Variants in ANKRD22 observed in about 807,000 individuals in gnomAD.
ANKRD22 encodes ankyrin repeat domain 22.
A neutral mutation model predicts 25.7 loss-of-function variants in ANKRD22; 24 were observed. The observed-to-expected ratio is 0.93, with a 90% CI of 0.68 to 1.31. The LOEUF (loss-of-function observed/expected upper bound fraction) is 1.31. Among genes scored for constraint, ANKRD22 ranks in the 50% most tolerant of loss-of-function variants. The probability of loss-of-function intolerance (pLI) is 0.00; values close to 1 mark genes in which losing one functional copy is unlikely to be tolerated. For synonymous variants in ANKRD22, 84 were observed against 84.3 expected (o/e 1.00, Z 0.02); for missense variants, 214 against 227.1 (o/e 0.94, Z 0.37).
At chr10:88,838,321 A>G (rs1843973526) in intron 1 of ANKRD22, among the ~76,000 whole-genome samples, 1 of 152,198 alleles carries the variant, frequency 6.6e-6, no homozygotes, top group Admixed American at 6.6e-5. Context: ...CATGTCTGTC[A>G]GGCAAGAGAA....
intron 1 of ANKRD22, among the ~76,000 whole-genome samples, chr10:88,846,015 T>C (rs1392273129): frequency 6.6e-6 from 1 of 152,210 alleles, no homozygotes; most frequent in African/African-American, 2.4e-5. Context: ...ATTTCAGCTA[T>C]TTCACCATTG....
At position 88,848,820 on chromosome 10, in the gene ANKRD22, C is replaced by T. The variant is rs561028386; in HGVS notation, c.21+2767G>A. The stretch of plus-strand genomic sequence containing the variant: ...TTCCTGTATTCCCTGACTTCTCCTC[C>T]TCAACTGTACCAGCTTTTCCAATAA... On this transcript the variant is annotated intron_variant, in intron 1 of 5. Coordinates refer to ENST00000371930, the MANE Select transcript of ANKRD22 (RefSeq NM_144590.3). 3.3e-5 allele frequency among the ~76,000 whole-genome samples: 5 copies of T among 152,286 alleles called. 1 individual carries two copies. Among genetic ancestry groups the T allele is most frequent in the South Asian group, 4.1e-4 (2 of 4,830 alleles).
intron 1 of ANKRD22, among the ~76,000 whole-genome samples, chr10:88,847,011 C>T (rs1844055187): frequency 6.6e-6 from 1 of 152,078 alleles, no homozygotes; most frequent in African/African-American, 2.4e-5. Context: ...CGCATATTCG[C>T]AGTTCTTTTA....
intron 2 of ANKRD22, among the ~76,000 whole-genome samples, chr10:88,828,951 T>C (rs1343491607): frequency 1.3e-5 from 2 of 152,122 alleles, no homozygotes; most frequent in East Asian, 1.9e-4. Flanking sequence ...CACTTAGTTT[T>C]TGGAAAAAAA....
intron 2 of ANKRD22, among the ~76,000 whole-genome samples, chr10:88,830,814 C>T (rs971562318): frequency 1.3e-5 from 2 of 152,220 alleles, no homozygotes; most frequent in Non-Finnish European, 2.9e-5. Context: ...AACCCACAGA[C>T]ATCTGTCTTC....
intron 1 of ANKRD22, among the ~76,000 whole-genome samples, chr10:88,843,879 C>A (rs564888178): frequency 4.7e-4 from 72 of 152,242 alleles, no homozygotes; most frequent in African/African-American, 1.5e-3. Context: ...ATTAAACCGA[C>A]ATTTAGGTCA....
rs2133067577 is a variant in ANKRD22 at position 88,822,299 on chromosome 10, T to C, written c.*642A>G. ...TGAAATTCCTTCACCAAAGGAATAT[T>C]TACTTGTGAATCTCTAAGCCCACAC... On this transcript the variant is annotated 3_prime_UTR_variant, in exon 6 of 6. Transcript: ENST00000371930. 1 of 152,272 alleles carries C rather than the reference T, an allele frequency of 6.6e-6. No individual in the cohort carries two copies. Among genetic ancestry groups the C allele is most frequent in the South Asian group, 2.1e-4 (1 of 4,820 alleles). 9.4% of individuals were successfully genotyped at this position (152,272 alleles called of 1,614,324 possible). A position where few individuals can be genotyped will look rare whatever the true frequency, so the allele number is the denominator to read the frequency against.
At chr10:88,843,479 A>G (rs900171926) in intron 1 of ANKRD22, among the ~76,000 whole-genome samples, 2 of 152,154 alleles carry the variant, frequency 1.3e-5, no homozygotes, top group African/African-American at 4.8e-5. Flanking sequence ...CTGAAGATTC[A>G]TGTGGTCTGA....
intron 1 of ANKRD22, among the ~76,000 whole-genome samples, chr10:88,847,002 G>A (rs772427749): frequency 1.1e-4 from 17 of 152,014 alleles, no homozygotes; most frequent in Non-Finnish European, 2.1e-4. Flanking sequence ...AAAGAACTAC[G>A]CATATTCGCA....
intron 1 of ANKRD22, among the ~76,000 whole-genome samples, chr10:88,850,731 G>A (rs1844096826): frequency 6.6e-6 from 1 of 152,068 alleles, no homozygotes; most frequent in Admixed American, 6.6e-5. Context: ...CATACCTAGA[G>A]TTATAAACCA....
intron 1 of ANKRD22, among the ~76,000 whole-genome samples, chr10:88,834,547 T>G (rs1345720004): frequency 6.6e-6 from 1 of 152,236 alleles, no homozygotes. Flanking sequence ...TTAGAGCTCT[T>G]TTTCTCTTTT....
Position 88,826,115 on chromosome 10 carries a change from C to G in ANKRD22, c.322G>C (p.Val108Leu). The part of the protein sequence containing the change: ...PVLLIGYFLM[V>L]SKTKQNEALV... ...GCCTCATTCTGCTTTGTCTTTGATACCTATTACAAATGGTAATTATAAGAA... is the reference window on the plus strand; with the variant it reads ...GCCTCATTCTGCTTTGTCTTTGATAGCTATTACAAATGGTAATTATAAGAA... Residue 108 changes from valine to leucine, a missense_variant and splice_region_variant, in exon 4 of 6, where the codon GTA (valine) becomes CTA (leucine). Physicochemically the swap from Val to Leu is conservative, Grantham distance 32. Coordinates refer to ENST00000371930, the MANE Select transcript of ANKRD22 (RefSeq NM_144590.3). 3.1e-6 allele frequency: 5 copies of G among 1,605,044 alleles called. No homozygotes were observed. Among genetic ancestry groups the G allele is most frequent in the Non-Finnish European group, 4.3e-6 (5 of 1,174,846 alleles).
intron 3 of ANKRD22, among the ~76,000 whole-genome samples, chr10:88,828,037 T>G (rs372143474): frequency 2.6e-5 from 4 of 152,368 alleles, no homozygotes; most frequent in African/African-American, 9.6e-5. Flanking sequence ...AATTGCTGTC[T>G]GCCAAGATTC....
intron 1 of ANKRD22, among the ~76,000 whole-genome samples, chr10:88,847,976 T>C (rs1844067319): frequency 6.6e-6 from 1 of 151,792 alleles, no homozygotes; most frequent in African/African-American, 2.4e-5. Context: ...AATTCTTTTT[T>C]CTCTTGTTAA....
In ANKRD22 at chr10:88,820,335, T is replaced by C; in HGVS notation, c.*2606A>G. The C allele has an allele frequency of 6.4e-7, 1 of 1,552,276 alleles. No homozygotes were observed. The highest frequency in any genetic ancestry group is 1.2e-5 in the South Asian group (1 of 84,058). On this transcript the variant is annotated 3_prime_UTR_variant, in exon 6 of 6. Coordinates refer to ENST00000371930, the MANE Select transcript of ANKRD22 (RefSeq NM_144590.3). Reference sequence around the variant, plus strand: ...AATCCAGAAGACGTGAAAATGCTGCTCTCTGAGGTGACCAACCTCATCTAC... The same window carrying C: ...AATCCAGAAGACGTGAAAATGCTGCCCTCTGAGGTGACCAACCTCATCTAC...
intron 4 of ANKRD22, among the ~76,000 whole-genome samples, chr10:88,823,786 C>A (rs1247229491): frequency 6.9e-6 from 1 of 145,832 alleles, no homozygotes; most frequent in East Asian, 2.1e-4. Context: ...CGAGATTGCG[C>A]CACTGCGCTC....
At chr10:88,826,735 A>G (rs906647869) in intron 3 of ANKRD22, among the ~76,000 whole-genome samples, 1 of 152,132 alleles carries the variant, frequency 6.6e-6, no homozygotes, top group Admixed American at 6.5e-5. Flanking sequence ...CCACCTGACC[A>G]GGTGAAATCC....
Position 88,823,360 on chromosome 10 carries a change from GTAATGCGGTACAGCCATAC to G in ANKRD22, c.400-1_417del. ...TGGTTTTTCATTTCACAGGCATAAT[GTAATGCGGTACAGCCATAC>G]TGAAACACAAAGGGCCAAAACTTCA... On this transcript the variant is annotated splice_acceptor_variant and coding_sequence_variant, in exon 5 of 6. Coordinates refer to ENST00000371930, the MANE Select transcript of ANKRD22 (RefSeq NM_144590.3). LOFTEE classifies it high-confidence loss of function. 2.5e-6 allele frequency: 4 copies of G among 1,614,020 alleles called. No individual in the cohort carries two copies. Among genetic ancestry groups the G allele is most frequent in the Non-Finnish European group, 3.4e-6 (4 of 1,179,904 alleles).
At chr10:88,824,896 G>A (rs1477685171) in intron 4 of ANKRD22, among the ~76,000 whole-genome samples, 2 of 152,014 alleles carry the variant, frequency 1.3e-5, no homozygotes, top group African/African-American at 4.8e-5. Context: ...TAAAGAAATG[G>A]TAATGCACAG....
Sources: gnomAD v4.1 joint callset for allele counts (sites outside exome capture counted in the v4.1 genomes callset) on GRCh38, gnomAD v4.1.1 for gene constraint, MANE v1.5 for transcripts, NCBI Gene and HGNC (gene_info 2026-07-23, HGNC 2026-07-21) for gene names.